NIN: variants seen among roughly 807,000 people sequenced by gnomAD.
The protein encoded by NIN is ninein.
A neutral mutation model predicts 257.6 loss-of-function variants in NIN; 137 were observed. The ratio of observed to expected loss-of-function variants is 0.53; its 90% CI spans 0.46 to 0.61. The LOEUF (loss-of-function observed/expected upper bound fraction) is 0.61, where lower values mean the gene tolerates loss of function less well. NIN is among the 20% of genes least tolerant of loss of function. The probability of loss-of-function intolerance (pLI) is 0.00; values close to 1 mark genes in which losing one functional copy is unlikely to be tolerated. For missense variants in NIN, 2,439 were observed against 2,501.2 expected, an observed-to-expected ratio of 0.98 and a Z score of 0.53; for synonymous variants, 918 against 919.8, an observed-to-expected ratio of 1.00 and a Z score of 0.04.
chr14:50,811,544 C>CTTTTTT (rs55734117), intron 3 of NIN, among the ~76,000 whole-genome samples: 25 of 75,298 alleles, frequency 3.3e-4, no homozygotes, highest in African/African-American at 4.2e-4. Context: ...AATGGTCAAG[C>CTTTTTT]TTTTTTTTTT....
At chr14:50,755,648 CTTTTTTT>C (rs71118900) in intron 18 of NIN, among the ~76,000 whole-genome samples, 1 of 79,992 alleles carries the variant, frequency 1.3e-5, no homozygotes, top group Non-Finnish European at 2.2e-5. Flanking sequence ...TGTTTTGTCT[CTTTTTTT>C]TTTTTTTTTT....
chr14:50,800,748 C>G (rs900205799), intron 4 of NIN, among the ~76,000 whole-genome samples: 3 of 150,978 alleles, frequency 2.0e-5, no homozygotes, highest in Non-Finnish European at 4.4e-5. Flanking sequence ...GTAGTTGGCA[C>G]TGGTGGTGGT....
At chr14:50,824,133 T>A (rs921735023) in intron 2 of NIN, among the ~76,000 whole-genome samples, 1 of 152,234 alleles carries the variant, frequency 6.6e-6, no homozygotes, top group Non-Finnish European at 1.5e-5. Context: ...TTTGCATATA[T>A]GTTTAAAAAC....
chr14:50,815,685 A>C (rs1193251079), intron 3 of NIN, among the ~76,000 whole-genome samples: 1 of 152,212 alleles, frequency 6.6e-6, no homozygotes, highest in East Asian at 1.9e-4. Flanking sequence ...TGTGGTACAT[A>C]TATACCATGG....
chr14:50,746,462 C>T (rs746243493), intron 22 of NIN, among the ~76,000 whole-genome samples: 6 of 152,196 alleles, frequency 3.9e-5, no homozygotes, highest in Admixed American at 6.5e-5. Flanking sequence ...GAAAGACACA[C>T]ATACCCTGAG....
chr14:50,801,669 G>A (rs1027339833), intron 4 of NIN, among the ~76,000 whole-genome samples: 2 of 152,162 alleles, frequency 1.3e-5, no homozygotes, highest in African/African-American at 4.8e-5. Flanking sequence ...CCTGGTTCAA[G>A]GCACAATTGC....
intron 2 of NIN, among the ~76,000 whole-genome samples, chr14:50,827,758 A>C: frequency 6.7e-6 from 1 of 148,870 alleles, no homozygotes; most frequent in East Asian, 1.9e-4. Flanking sequence ...CTCCGTATCA[A>C]AAAAAAAAAA....
rs966107005 is a variant in NIN, at chr14:50,795,849, C to T, written c.266-2968G>A. The stretch of plus-strand genomic sequence containing the variant: ...CAAAAATTAGCCAGGCGTGGCGGCT[C>T]GTGACTGTAGTCCCAGAAACTTGGG... On this transcript the variant is annotated intron_variant, in intron 4 of 30. Transcript: ENST00000530997. Among the ~76,000 whole-genome samples, 9 of 152,156 alleles carry T rather than the reference C, an allele frequency of 5.9e-5. No individual in the cohort carries two copies. In the South Asian group the frequency reaches 1.2e-3, roughly 21 times the overall value.
At chr14:50,753,519 C>T (rs576392290) in intron 20 of NIN, among the ~76,000 whole-genome samples, 1 of 137,538 alleles carries the variant, frequency 7.3e-6, no homozygotes, top group Non-Finnish European at 1.6e-5. Context: ...TCTGTTCCCA[C>T]GTTGATAGAC....
At chr14:50,744,538 T>C (rs1007369388) in intron 22 of NIN, among the ~76,000 whole-genome samples, 173 bp from the exon 23 acceptor site, 3 of 152,266 alleles carry the variant, frequency 2.0e-5, no homozygotes, top group African/African-American at 7.2e-5. Context: ...CCCTTCTGGC[T>C]TCTCTCTGAT....
chr14:50,822,851 G>C (rs1446791386), intron 2 of NIN, among the ~76,000 whole-genome samples: 2 of 152,190 alleles, frequency 1.3e-5, no homozygotes, highest in African/African-American at 4.8e-5. Flanking sequence ...GTAATGCTTA[G>C]TTGCCTAGAG....
At chr14:50,789,549 C>T (rs758252536) in intron 5 of NIN, among the ~76,000 whole-genome samples, 13 of 152,060 alleles carry the variant, frequency 8.5e-5, no homozygotes, top group Non-Finnish European at 1.6e-4. Flanking sequence ...CCAGCCTGGG[C>T]GACAGAGCGA....
At chr14:50,754,963 T>A in intron 18 of NIN, 96 bp from the exon 19 acceptor site, 1 of 778,922 alleles carries the variant, frequency 1.3e-6, no homozygotes, top group Non-Finnish European at 2.0e-6. Flanking sequence ...GAGTATTCAA[T>A]GCCAGTTAAA....
At chr14:50,773,163 GC>G in intron 7 of NIN, 68 bp from the exon 8 acceptor site, 1 of 1,287,856 alleles carries the variant, frequency 7.8e-7, no homozygotes, top group Non-Finnish European at 1.1e-6. Flanking sequence ...TATACTTCCG[GC>G]CAGTAGTAAT....
intron 22 of NIN, among the ~76,000 whole-genome samples, chr14:50,746,856 TTTTC>T (rs996063443): frequency 9.9e-5 from 15 of 152,284 alleles, no homozygotes; most frequent in East Asian, 1.9e-4. Context: ...ATTAAGCCTT[TTTTC>T]TTTCTTTCTT....
chr14:50,778,646 G>T, intron 6 of NIN, 119 bp downstream of exon 6: 2 of 833,578 alleles, frequency 2.4e-6, no homozygotes, highest in Non-Finnish European at 4.1e-6. Context: ...ATTTTTTGTT[G>T]CTGTTGTTCT....
chr14:50,830,897 G>A (rs1796706451), intron 1 of NIN, 109 bp downstream of exon 1: 1 of 151,280 alleles, frequency 6.6e-6, no homozygotes, highest in African/African-American at 2.4e-5. Flanking sequence ...GTGATCCGGT[G>A]CCCAGTTCGC....
At chr14:50,755,961 G>C (rs2042006773) in intron 18 of NIN, among the ~76,000 whole-genome samples, 1 of 152,082 alleles carries the variant, frequency 6.6e-6, no homozygotes, top group African/African-American at 2.4e-5. Flanking sequence ...AAGCCATGGT[G>C]CCTGACCATT....
intron 7 of NIN, among the ~76,000 whole-genome samples, chr14:50,775,888 C>T (rs2042904567): frequency 6.6e-6 from 1 of 151,720 alleles, no homozygotes. Context: ...TGAGCCATTA[C>T]AAAGGTAAAC....
Sources: gnomAD v4.1 joint callset for allele counts (sites outside exome capture counted in the v4.1 genomes callset) on GRCh38, gnomAD v4.1.1 for gene constraint, MANE v1.5 for transcripts, NCBI Gene and HGNC (gene_info 2026-07-23, HGNC 2026-07-21) for gene names.